The following VSTM2L variants were observed in gnomAD, a reference collection of about 807,000 sequenced individuals.
The protein encoded by VSTM2L is V-set and transmembrane domain containing 2 like, also known as V-set and transmembrane domain-containing protein 2-like protein.
VSTM2L carries 9 observed loss-of-function variants against 19.9 expected under a neutral mutation model. The ratio of observed to expected loss-of-function variants is 0.45; its 90% CI spans 0.27 to 0.79. The LOEUF (loss-of-function observed/expected upper bound fraction) is 0.79. VSTM2L is among the 30% of genes least tolerant of loss of function. The pLI is 0.15. For synonymous variants in VSTM2L, 127 were observed against 133.8 expected (o/e 0.95, Z 0.35); for missense variants, 286 against 295.5 (o/e 0.97, Z 0.24).
Position 37,945,341 on chromosome 20 carries a change from T to G in VSTM2L, c.*1088T>G. ...TACCAGCCAACCTGAATAAAGCGGT[T>G]TTAAAAAAACCTCTGGGCAGTGTCT... On this transcript the variant is annotated 3_prime_UTR_variant, in exon 4 of 4. Transcript: ENST00000373461. 1.1e-6 allele frequency: 1 copy of G among 945,602 alleles called. No individual in the cohort carries two copies. The highest frequency in any genetic ancestry group is 1.3e-6 in the Non-Finnish European group (1 of 793,714). The allele number at this position is 945,602 out of a possible 1,614,324, so 58.6% of individuals were successfully genotyped here.
At chr20:37,904,509 G>C (rs2072740415) in intron 1 of VSTM2L, among the ~76,000 whole-genome samples, 1 of 152,226 alleles carries the variant, frequency 6.6e-6, no homozygotes, top group Admixed American at 6.5e-5. Flanking sequence ...GGCAGCTGTG[G>C]GGGCTCCCCC....
At chr20:37,936,877 C>T (rs537708842) in intron 3 of VSTM2L, among the ~76,000 whole-genome samples, 8 of 152,006 alleles carry the variant, frequency 5.3e-5, no homozygotes, top group South Asian at 2.1e-4. Context: ...ATTTGTGACT[C>T]GTAAAACTCC....
At chr20:37,939,857 C>G (rs2072961626) in intron 3 of VSTM2L, among the ~76,000 whole-genome samples, 1 of 152,220 alleles carries the variant, frequency 6.6e-6, no homozygotes, top group South Asian at 2.1e-4. Context: ...CGCCTGGCCT[C>G]CCATCCCTCC....
At chr20:37,927,886 C>T (rs879643262) in intron 1 of VSTM2L, among the ~76,000 whole-genome samples, 3 of 152,192 alleles carry the variant, frequency 2.0e-5, no homozygotes, top group Non-Finnish European at 2.9e-5. Flanking sequence ...CCACCTCACC[C>T]GTGTCTGGGA....
intron 1 of VSTM2L, among the ~76,000 whole-genome samples, chr20:37,909,680 A>C (rs2072769057): frequency 6.6e-6 from 1 of 152,146 alleles, no homozygotes; most frequent in African/African-American, 2.4e-5. Flanking sequence ...GGCTGATGGC[A>C]CCTTGCAGTG....
chr20:37,938,050 A>T (rs1387577489), intron 3 of VSTM2L, among the ~76,000 whole-genome samples: 1 of 152,140 alleles, frequency 6.6e-6, no homozygotes, highest in Admixed American at 6.5e-5. Flanking sequence ...TTTTGAAAAA[A>T]TTGGTCTGGC....
intron 1 of VSTM2L, among the ~76,000 whole-genome samples, chr20:37,909,256 G>A (rs527429078): frequency 1.4e-4 from 22 of 152,240 alleles, no homozygotes; most frequent in South Asian, 2.1e-4. Flanking sequence ...AGCATGGGGA[G>A]AGTGTGTAGT....
intron 1 of VSTM2L, among the ~76,000 whole-genome samples, chr20:37,923,564 T>C (rs751676094): frequency 1.3e-5 from 2 of 152,152 alleles, no homozygotes; most frequent in African/African-American, 2.4e-5. Context: ...GAGAAGACAA[T>C]TGCATCCTTC....
chr20:37,916,723 T>C (rs1292137644), intron 1 of VSTM2L, among the ~76,000 whole-genome samples: 1 of 152,226 alleles, frequency 6.6e-6, no homozygotes, highest in African/African-American at 2.4e-5. Context: ...TATTTTATTG[T>C]ATTAAAGAAA....
At chr20:37,930,020 C>T (rs564184408) in intron 1 of VSTM2L, among the ~76,000 whole-genome samples, 2 of 152,310 alleles carry the variant, frequency 1.3e-5, no homozygotes, top group Admixed American at 1.3e-4. Context: ...ACATTTATTC[C>T]TATTAACTAA....
At position 37,944,244 on chromosome 20, in the gene VSTM2L, C is replaced by T. The variant is rs1268243715; in HGVS notation, c.606C>T (p.Cys202=). Residue 202 remains cysteine (C), a synonymous_variant, in exon 4 of 4, where the codon TGC becomes TGT. Transcript: ENST00000373461. ...AGCGCTCGGTGGACCAGGAGGCCTGCAGCCTCTAGACTGATGCCCCTGCCC... is the reference window on the plus strand; with the variant it reads ...AGCGCTCGGTGGACCAGGAGGCCTGTAGCCTCTAGACTGATGCCCCTGCCC... ...LRKRSVDQEA[C]SL is the part of the protein sequence containing the mutation. 3 of 1,505,280 alleles carry T rather than the reference C, an allele frequency of 2.0e-6. No homozygotes were observed. The highest frequency in any genetic ancestry group is 2.5e-5 in the East Asian group (1 of 40,028). 93.2% of individuals were successfully genotyped at this position (1,505,280 alleles called of 1,614,324 possible). A position where few individuals can be genotyped will look rare whatever the true frequency, so the allele number is the denominator to read the frequency against.
chr20:37,921,966 T>C (rs887177639), intron 1 of VSTM2L, among the ~76,000 whole-genome samples: 1 of 150,844 alleles, frequency 6.6e-6, no homozygotes, highest in Non-Finnish European at 1.5e-5. Flanking sequence ...CTCTAGGAGA[T>C]TTTTATTGTA....
intron 1 of VSTM2L, among the ~76,000 whole-genome samples, chr20:37,928,708 A>G (rs1294914388): frequency 3.3e-5 from 5 of 152,128 alleles, no homozygotes; most frequent in African/African-American, 1.2e-4. Flanking sequence ...CAAGCCTTGA[A>G]TGCACCACTG....
chr20:37,945,244 T>TG lies in VSTM2L; in HGVS notation c.*996dup. The TG allele has an allele frequency of 1.0e-6, 1 of 985,354 alleles. No homozygotes were observed. Among genetic ancestry groups the TG allele is most frequent in the Non-Finnish European group, 1.2e-6 (1 of 829,950 alleles). The allele number at this position is 985,354 out of a possible 1,614,324, so 61.0% of individuals were successfully genotyped here. A position where few individuals can be genotyped will look rare whatever the true frequency, so the allele number is the denominator to read the frequency against. ...TGGCTGCCGCAGCTCAGTGATGACG[T>TG]GGGGGAGGTGGGAGAGGCCGAGGGC... On this transcript the variant is annotated 3_prime_UTR_variant, in exon 4 of 4. Transcript: ENST00000373461.
At chr20:37,904,801 G>GA in intron 1 of VSTM2L, among the ~76,000 whole-genome samples, 1 of 152,284 alleles carries the variant, frequency 6.6e-6, no homozygotes, top group South Asian at 2.1e-4. Context: ...CTCCAGTGGA[G>GA]AGGGGGGCTT....
chr20:37,927,883 A>G (rs1317515821), intron 1 of VSTM2L, among the ~76,000 whole-genome samples: 1 of 151,928 alleles, frequency 6.6e-6, no homozygotes, highest in Non-Finnish European at 1.5e-5. Flanking sequence ...TTCCCACCTC[A>G]CCCGTGTCTG....
chr20:37,928,490 C>T (rs1044459584), intron 1 of VSTM2L, among the ~76,000 whole-genome samples: 4 of 152,230 alleles, frequency 2.6e-5, no homozygotes, highest in African/African-American at 9.6e-5. Flanking sequence ...TGGCTTATAC[C>T]TTACCTGTAA....
intron 3 of VSTM2L, among the ~76,000 whole-genome samples, chr20:37,936,254 A>T (rs2072939646): frequency 6.6e-6 from 1 of 152,054 alleles, no homozygotes; most frequent in Non-Finnish European, 1.5e-5. Context: ...GAACGAGTGA[A>T]AGAGCTCCTG....
At chr20:37,914,404 G>GTACGTGTGTGCATGTC (rs747187800) in intron 1 of VSTM2L, among the ~76,000 whole-genome samples, 1 of 16,654 alleles carries the variant, frequency 6.0e-5, no homozygotes, top group Non-Finnish European at 1.1e-4. Flanking sequence ...GTGTATGTAT[G>GTACGTGTGTGCATGTC]TGTGGGTATG....
Sources: gnomAD v4.1 joint callset for allele counts (sites outside exome capture counted in the v4.1 genomes callset) on GRCh38, gnomAD v4.1.1 for gene constraint, MANE v1.5 for transcripts, NCBI Gene and HGNC (gene_info 2026-07-23, HGNC 2026-07-21) for gene names.